KEAP1: variants seen among roughly 807,000 people sequenced by gnomAD.
KEAP1 encodes kelch like ECH associated protein 1, also known as kelch-like ECH-associated protein 1.
A neutral mutation model predicts 59.7 loss-of-function variants in KEAP1; 26 were observed. That is an observed-to-expected ratio of 0.44 (90% confidence interval 0.32 to 0.60). The LOEUF (loss-of-function observed/expected upper bound fraction) is 0.60. KEAP1 is among the 20% of genes least tolerant of loss of function. The pLI, the probability that KEAP1 is intolerant of heterozygous loss-of-function variation, is 0.06. For missense variants in KEAP1, 539 were observed against 871.4 expected, an observed-to-expected ratio of 0.62 and a Z score of 4.80; for synonymous variants, 350 against 358.3, an observed-to-expected ratio of 0.98 and a Z score of 0.26.
chr19:10,496,502 CAAA>C (rs111471665), intron 2 of KEAP1, among the ~76,000 whole-genome samples: 4,928 of 128,310 alleles, frequency 0.038, 273 homozygotes, highest in African/African-American at 0.13. Flanking sequence ...CCCCCACCCC[CAAA>C]AAAAAAAAAA....
intron 5 of KEAP1, among the ~76,000 whole-genome samples, chr19:10,487,988 C>A (rs922672863): frequency 6.6e-6 from 1 of 151,908 alleles, no homozygotes; most frequent in East Asian, 2.0e-4. Context: ...ATTAGCCGGG[C>A]GTGGTGGCGC....
chr19:10,496,646 A>ATTTTT (rs1442122448), intron 2 of KEAP1, among the ~76,000 whole-genome samples: 3 of 151,474 alleles, frequency 2.0e-5, no homozygotes, highest in East Asian at 1.9e-4. Context: ...TACTAAAAAT[A>ATTTTT]CAAAAATTAG....
chr19:10,486,872 A>AGG, intron 5 of KEAP1, 54 bp from the exon 6 acceptor site: 1 of 1,564,174 alleles, frequency 6.4e-7, no homozygotes. Context: ...ATCCAAGAGC[A>AGG]GGGGACAGAA....
chr19:10,502,436 G>C lies in KEAP1; in HGVS notation c.-48+805C>G, dbSNP rs944193042. The C allele has an allele frequency of 6.6e-6, 1 of 152,270 alleles. No homozygotes were observed. The highest frequency in any genetic ancestry group is 6.5e-5 in the Admixed American group (1 of 15,280). 9.4% of individuals were successfully genotyped at this position (152,270 alleles called of 1,614,324 possible). On this transcript the variant is annotated intron_variant, in intron 1 of 5. Coordinates refer to ENST00000171111, the MANE Select transcript of KEAP1 (RefSeq NM_203500.2). This position sits in a 1 kb window ranked among gnomAD's most constrained non-coding sequence, Gnocchi z 4.0. ...CAGAACGCAGATCGAGCCCCTCAAC[G>C]CCTCGGAGCCCCCGGGCCTCCTTCT...
At chr19:10,501,855 G>A (rs1017179611) in intron 1 of KEAP1, among the ~76,000 whole-genome samples, 2 of 152,032 alleles carry the variant, frequency 1.3e-5, no homozygotes, top group East Asian at 1.9e-4. Flanking sequence ...CGTGAGTTAC[G>A]TTTCAAAAGG....
In KEAP1 at chr19:10,489,360, C is replaced by A. The variant is rs371976438; in HGVS notation, c.1540G>T (p.Val514Phe). 2 of 1,612,760 alleles carry A rather than the reference C, an allele frequency of 1.2e-6. No homozygotes were observed. Among genetic ancestry groups the A allele is most frequent in the Non-Finnish European group, 1.7e-6 (2 of 1,179,214 alleles). Residue 514 changes from valine to phenylalanine, a missense_variant, in exon 5 of 6, where the codon GTC becomes TTC. By Grantham distance (50) the Val-to-Phe change is conservative (BLOSUM62 -1). This residue lies in a region of KEAP1 where 311 missense variants were observed against 425.2 expected (regional missense o/e 0.73). Coordinates refer to ENST00000171111, the MANE Select transcript of KEAP1 (RefSeq NM_203500.2). ...NTIRSGAGVC[V>F]LHNCIYAAGG... Reference sequence around the variant, plus strand: ...GCAGCATAGATACAGTTGTGCAGGACGCAGACGCCTAAAGGGCACCATGCA... The same window carrying A: ...GCAGCATAGATACAGTTGTGCAGGAAGCAGACGCCTAAAGGGCACCATGCA...
chr19:10,497,180 AC>A (rs1914879182), intron 2 of KEAP1, among the ~76,000 whole-genome samples: 1 of 151,878 alleles, frequency 6.6e-6, no homozygotes, highest in Non-Finnish European at 1.5e-5. Flanking sequence ...TTAATCTAGT[AC>A]CCCATGTTCA....
rs199711353 is a variant in KEAP1 at position 10,489,359 on chromosome 19, A to G, written c.1541T>C (p.Val514Ala). ...NTIRSGAGVC[V>A]LHNCIYAAGG... ...AGCAGCATAGATACAGTTGTGCAGG[A>G]CGCAGACGCCTAAAGGGCACCATGC... The change falls in exon 5 of 6, where the codon GTC becomes GCC. Residue 514 changes from valine to alanine, a missense_variant. By Grantham distance (64) the Val-to-Ala change is moderately conservative (BLOSUM62 0). This residue lies in a region of KEAP1 where 311 missense variants were observed against 425.2 expected (regional missense o/e 0.73). Transcript: ENST00000171111. The G allele has an allele frequency of 6.2e-7, 1 of 1,613,096 alleles. No homozygotes were observed. Among genetic ancestry groups the G allele is most frequent in the Admixed American group, 1.7e-5 (1 of 59,884 alleles).
Position 10,499,486 on chromosome 19 carries a change from T to C in KEAP1, c.548A>G (p.Asn183Ser), listed in dbSNP as rs2144625127. 6.2e-7 allele frequency: 1 copy of C among 1,614,192 alleles called. No individual in the cohort carries two copies. Among genetic ancestry groups the C allele is most frequent in the Non-Finnish European group, 8.5e-7 (1 of 1,180,054 alleles). ...AGCGAAGTTGGCGATGCCGATGGCA[T>C]TGCTGGGGTCCAGCTGCTGCACCAG... ...DFLVQQLDPSNAIGIANFAEQ... is the reference protein window; with the variant it reads ...DFLVQQLDPSSAIGIANFAEQ... Residue 183 changes from asparagine to serine, a missense_variant, in exon 2 of 6, where the codon AAT becomes AGT. Asn to Ser is a conservative substitution (Grantham distance 46). This residue lies in a region of KEAP1 where 166 missense variants were observed against 295.8 expected (regional missense o/e 0.56). Coordinates refer to ENST00000171111, the MANE Select transcript of KEAP1 (RefSeq NM_203500.2). This position sits in a 1 kb window ranked among gnomAD's most constrained non-coding sequence, Gnocchi z 6.7.
At chr19:10,498,203 T>C (rs1357693940) in intron 2 of KEAP1, among the ~76,000 whole-genome samples, 1 of 146,068 alleles carries the variant, frequency 6.8e-6, no homozygotes, top group African/African-American at 2.6e-5. Flanking sequence ...CCCAGGCTTT[T>C]TTTTTTTTTT....
chr19:10,488,566 C>T (rs750752869), intron 5 of KEAP1, among the ~76,000 whole-genome samples: 3 of 150,568 alleles, frequency 2.0e-5, no homozygotes, highest in Admixed American at 6.7e-5. Flanking sequence ...GAGCTGAGAT[C>T]GTGCCATTGC....
chr19:10,501,797 C>T (rs1462243957), intron 1 of KEAP1, among the ~76,000 whole-genome samples: 3 of 152,010 alleles, frequency 2.0e-5, no homozygotes, highest in Admixed American at 6.6e-5. Flanking sequence ...TCCCCCTCCT[C>T]GACCTCCCAA....
rs1415900791 is a variant in KEAP1 at position 10,486,741 on chromosome 19, G to A, written c.1786C>T (p.Arg596Ter). 1.2e-6 allele frequency: 2 copies of A among 1,613,858 alleles called. No homozygotes were observed. Among genetic ancestry groups the A allele is most frequent in the African/African-American group, 1.3e-5 (1 of 74,880 alleles). The change falls in exon 6 of 6, where the codon CGA becomes TGA. Residue 596 changes from arginine (R) to a stop codon, truncating the protein, a stop_gained. Coordinates refer to ENST00000171111, the MANE Select transcript of KEAP1 (RefSeq NM_203500.2). LOFTEE classifies it high-confidence loss of function. ...PDTDTWSEVTRMTSGRSGVGV... is the reference protein window; with the variant it reads ...PDTDTWSEVT ...ACCCCACTCCGGCCCGATGTCATTC[G>A]GGTCACCTCGCTCCAGGTGTCTGTA...
intron 1 of KEAP1, among the ~76,000 whole-genome samples, chr19:10,500,377 C>T (rs1207493340): frequency 2.6e-5 from 4 of 152,272 alleles, no homozygotes; most frequent in Admixed American, 2.0e-4. Context: ...CGCAATTAGC[C>T]CCTGCCACCT....
intron 5 of KEAP1, among the ~76,000 whole-genome samples, chr19:10,487,383 G>A (rs1352417293): frequency 1.3e-5 from 2 of 151,796 alleles, no homozygotes; most frequent in Admixed American, 6.6e-5. Context: ...TAGGCCACTC[G>A]CGGTGGCTCA....
Position 10,492,075 on chromosome 19 carries a change from A to G in KEAP1, c.827T>C (p.Leu276Ser), listed in dbSNP as rs2144603075. 1 of 1,614,030 alleles carries G rather than the reference A, an allele frequency of 6.2e-7. No homozygotes were observed. The highest frequency in any genetic ancestry group is 8.5e-7 in the Non-Finnish European group (1 of 1,180,034). Reference protein sequence around the residue: ...ALLRAVRCHSLTPNFLQMQLQ... With the variant: ...ALLRAVRCHSSTPNFLQMQLQ... ...CTGCATCTGCAGGAAGTTCGGCGTC[A>G]ACGAGTGGCAGCGCACGGCCCGCAG... Residue 276 changes from leucine to serine, a missense_variant, in exon 3 of 6, where the codon TTG becomes TCG. By Grantham distance (145) the Leu-to-Ser change is moderately radical. Coordinates refer to ENST00000171111, the MANE Select transcript of KEAP1 (RefSeq NM_203500.2).
rs2144600583 is a variant in KEAP1 at position 10,491,902 on chromosome 19, A to G, written c.1000T>C (p.Tyr334His). 2 of 1,613,560 alleles carry G rather than the reference A, an allele frequency of 1.2e-6. No individual in the cohort carries two copies. The highest frequency in any genetic ancestry group is 1.7e-6 in the Non-Finnish European group (2 of 1,179,870). Residue 334 changes from tyrosine (Y) to histidine (H), a missense_variant, in exon 3 of 6, where the codon TAC becomes CAC. Physicochemically the swap from Tyr to His is moderately conservative, Grantham distance 83 (BLOSUM62 2). Coordinates refer to ENST00000171111, the MANE Select transcript of KEAP1 (RefSeq NM_203500.2). The surrounding 1 kb of genome is among the most constrained non-coding windows in gnomAD (Gnocchi z 5.2). ...VGRLIYTAGGYFRQSLSYLEA... is the reference protein window; with the variant it reads ...VGRLIYTAGGHFRQSLSYLEA... ...AGGTAGCTGAGCGACTGTCGGAAGT[A>G]GCCGCCCGCGGTGTAGATCAGGCGG...
intron 3 of KEAP1, chr19:10,490,506 G>C (rs968865237): frequency 1.3e-5 from 2 of 151,924 alleles, no homozygotes; most frequent in African/African-American, 4.8e-5. Flanking sequence ...GTAGAAATTG[G>C]GTTTCGCCAT....
chr19:10,487,812 AT>A (rs1467379109), intron 5 of KEAP1, among the ~76,000 whole-genome samples: 2 of 151,988 alleles, frequency 1.3e-5, no homozygotes, highest in Non-Finnish European at 2.9e-5. Context: ...CCTGGCTAAC[AT>A]TGTGAAACCC....
Sources: gnomAD v4.1 joint callset for allele counts (sites outside exome capture counted in the v4.1 genomes callset) on GRCh38, gnomAD v4.1.1 for gene constraint, gnomAD v4.1.1 regional missense constraint, Gnocchi (gnomAD v3.1) non-coding constraint, MANE v1.5 for transcripts, NCBI Gene and HGNC (gene_info 2026-07-23, HGNC 2026-07-21) for gene names.